Variants in SGCG observed in about 807,000 individuals in gnomAD.
The protein encoded by SGCG is sarcoglycan gamma, also known as gamma-sarcoglycan.
A neutral mutation model predicts 29.3 loss-of-function variants in SGCG; 26 were observed. The observed-to-expected ratio is 0.89, with a 90% CI of 0.65 to 1.23. The LOEUF (loss-of-function observed/expected upper bound fraction) is 1.23. Among genes scored for constraint, SGCG ranks in the 50% most tolerant of loss-of-function variants. SGCG has a pLI of 0.00. For missense variants in SGCG, 353 were observed against 356.0 expected (o/e 0.99, Z 0.07); for synonymous variants, 145 against 129.7 (o/e 1.12, Z -0.80).
chr13:23,171,778 C>T, the SGCG span, among the ~76,000 whole-genome samples: 1 of 152,166 alleles, frequency 6.6e-6, no homozygotes, highest in Non-Finnish European at 1.5e-5. Context: ...AATCTCATGC[C>T]TCCACTGATC....
At chr13:23,284,489 C>T (rs528902617) in intron 5 of SGCG, among the ~76,000 whole-genome samples, 73 of 152,240 alleles carry the variant, frequency 4.8e-4, no homozygotes, top group Non-Finnish European at 9.7e-4. Flanking sequence ...ACTGGTTATT[C>T]TAGTAGCAAC....
At chr13:23,173,851 A>C in the SGCG span, among the ~76,000 whole-genome samples, 1 of 152,330 alleles carries the variant, frequency 6.6e-6, no homozygotes, top group Admixed American at 6.5e-5. Context: ...TTTTACCAAA[A>C]GATAGGCACA....
At chr13:23,173,098 G>T in the SGCG span, among the ~76,000 whole-genome samples, 1 of 152,278 alleles carries the variant, frequency 6.6e-6, no homozygotes, top group African/African-American at 2.4e-5. Context: ...TATAAATGGA[G>T]CTGTTAGAGA....
In SGCG at chr13:23,243,517, G is replaced by A. The variant is rs561056020; in HGVS notation, c.298-7113G>A. ...TGAGAAAGCAGGCAACCCCTGTCGT[G>A]GAAAGCAGAAAAAGAAAAGGGTTTG... On this transcript the variant is annotated intron_variant, in intron 3 of 7. Coordinates refer to ENST00000218867, the MANE Select transcript of SGCG (RefSeq NM_000231.3). 2.0e-5 allele frequency: 3 copies of A among 152,330 alleles called. No individual in the cohort carries two copies. In the East Asian group the frequency reaches 5.8e-4, roughly 29 times the overall value. 9.4% of individuals were successfully genotyped at this position (152,330 alleles called of 1,614,324 possible). A position where few individuals can be genotyped will look rare whatever the true frequency, so the allele number is the denominator to read the frequency against.
At position 23,264,843 on chromosome 13, in the gene SGCG, A is replaced by G. The variant is rs73436864; in HGVS notation, c.385+14126A>G. The stretch of plus-strand genomic sequence containing the variant: ...AACTGGGGAAAACACATCCTATTCA[A>G]TAAATGGTGCTGGGAAAATTGGATT... On this transcript the variant is annotated intron_variant, in intron 4 of 7. Transcript: ENST00000218867. Among the ~76,000 whole-genome samples the G allele has an allele frequency of 6.5e-3, 983 of 152,344 alleles. 9 individuals carry two copies. The highest frequency in any genetic ancestry group is 0.022 in the African/African-American group (900 of 41,592).
chr13:23,216,427 C>T (rs1034142209), intron 2 of SGCG, among the ~76,000 whole-genome samples: 4 of 151,780 alleles, frequency 2.6e-5, no homozygotes, highest in African/African-American at 4.8e-5. Flanking sequence ...TAGCAATGAC[C>T]AAGAAGGAAT....
At chr13:23,310,381 G>A (rs112210096) in intron 6 of SGCG, among the ~76,000 whole-genome samples, 184 of 151,910 alleles carry the variant, frequency 1.2e-3, no homozygotes, top group African/African-American at 4.1e-3. Flanking sequence ...CCACCGCGCC[G>A]GGCCTGAATT....
At chr13:23,261,186 A>G (rs967121785) in intron 4 of SGCG, among the ~76,000 whole-genome samples, 5 of 151,930 alleles carry the variant, frequency 3.3e-5, no homozygotes, top group Admixed American at 1.3e-4. Context: ...TCAAACGTAG[A>G]TTTGATCTTT....
rs778894191 is a variant in SGCG, at chr13:23,270,754, C to T, written c.386-8605C>T. 2.0e-5 allele frequency among the ~76,000 whole-genome samples: 3 copies of T among 152,158 alleles called. No individual in the cohort carries two copies. In the East Asian group the frequency reaches 5.8e-4, roughly 29 times the overall value. ...AGATGTTGAGTCATTGCTTGAAAGACTTCCTTGTACCAAGGTTATAAAGGA... is the reference window on the plus strand; with the variant it reads ...AGATGTTGAGTCATTGCTTGAAAGATTTCCTTGTACCAAGGTTATAAAGGA... On this transcript the variant is annotated intron_variant, in intron 4 of 7. Transcript: ENST00000218867.
intron 1 of SGCG, among the ~76,000 whole-genome samples, chr13:23,196,382 T>G (rs199513671): frequency 2.8e-5 from 2 of 71,560 alleles, no homozygotes; most frequent in Admixed American, 2.5e-4. Flanking sequence ...TTTGGGGGGG[T>G]TATTGTTAAC....
chr13:23,251,728 CTTTG>C (rs1879977348), intron 4 of SGCG, among the ~76,000 whole-genome samples: 1 of 151,834 alleles, frequency 6.6e-6, no homozygotes, highest in South Asian at 2.1e-4. Flanking sequence ...GGAAGAGACC[CTTTG>C]TTTGAAAAAA....
intron 5 of SGCG, 29 bp from the exon 6 acceptor site, chr13:23,295,386 C>T: frequency 6.6e-7 from 1 of 1,520,720 alleles, no homozygotes; most frequent in Non-Finnish European, 9.1e-7. Context: ...TTTACTTCTG[C>T]TCCTGATACA....
chr13:23,218,874 T>C lies in SGCG; in HGVS notation c.195+14985T>C, dbSNP rs546355025. Among the ~76,000 whole-genome samples, 503 of 150,094 alleles carry C rather than the reference T, an allele frequency of 3.4e-3. 3 individuals are homozygous for C. Among genetic ancestry groups the C allele is most frequent in the African/African-American group, 0.011 (474 of 41,218 alleles). ...ATTATTGTTTTTTGATATTGAGAATTCTATGGTGGGAAAATTATGAGCCAA... is the reference window on the plus strand; with the variant it reads ...ATTATTGTTTTTTGATATTGAGAATCCTATGGTGGGAAAATTATGAGCCAA... On this transcript the variant is annotated intron_variant, in intron 2 of 7. Transcript: ENST00000218867.
At chr13:23,187,030 G>A (rs965190274) in intron 1 of SGCG, among the ~76,000 whole-genome samples, 3 of 152,192 alleles carry the variant, frequency 2.0e-5, no homozygotes, top group African/African-American at 7.2e-5. Flanking sequence ...ATCAGTGTCT[G>A]CTGTGGACAG....
intron 2 of SGCG, among the ~76,000 whole-genome samples, chr13:23,214,479 G>A (rs1202073256): frequency 6.6e-6 from 1 of 152,172 alleles, no homozygotes; most frequent in Non-Finnish European, 1.5e-5. Flanking sequence ...CATAAACAAA[G>A]GAAGACACAT....
chr13:23,176,932 T>A (rs1264150075), upstream of SGCG, among the ~76,000 whole-genome samples: 1 of 152,174 alleles, frequency 6.6e-6, no homozygotes, highest in Non-Finnish European at 1.5e-5. Context: ...CATGTTTATT[T>A]TAGAACTATT....
At chr13:23,169,210 C>T in the SGCG span, among the ~76,000 whole-genome samples, 9 of 152,054 alleles carry the variant, frequency 5.9e-5, 1 homozygote, top group Middle Eastern at 6.3e-3. Context: ...TGAGCCAACA[C>T]TGATGATGTG....
At chr13:23,251,355 A>G (rs1879961774) in intron 4 of SGCG, among the ~76,000 whole-genome samples, 1 of 152,252 alleles carries the variant, frequency 6.6e-6, no homozygotes, top group African/African-American at 2.4e-5. Flanking sequence ...AGCTATGTAC[A>G]CCCATCCAAT....
chr13:23,315,827 T>C (rs144458982), intron 6 of SGCG, among the ~76,000 whole-genome samples: 4 of 152,280 alleles, frequency 2.6e-5, no homozygotes, highest in African/African-American at 7.2e-5. Flanking sequence ...GGAAGAGATA[T>C]GTGGATGGAC....
Sources: gnomAD v4.1 joint callset for allele counts (sites outside exome capture counted in the v4.1 genomes callset) on GRCh38, gnomAD v4.1.1 for gene constraint, MANE v1.5 for transcripts, NCBI Gene and HGNC (gene_info 2026-07-23, HGNC 2026-07-21) for gene names.